The following DAGLB variants were observed in gnomAD, a reference collection of about 807,000 sequenced individuals.
The protein encoded by DAGLB is diacylglycerol lipase-beta.
DAGLB carries 66 observed loss-of-function variants against 72.1 expected under a neutral mutation model. The observed-to-expected ratio is 0.92, with a 90% CI of 0.75 to 1.12. The LOEUF (loss-of-function observed/expected upper bound fraction) is 1.12, where lower values mean the gene tolerates loss of function less well. Among genes scored for constraint, DAGLB ranks in the 50% most tolerant of loss-of-function variants. The probability of loss-of-function intolerance (pLI) is 0.00; values close to 1 mark genes in which losing one functional copy is unlikely to be tolerated. For synonymous variants in DAGLB, 414 were observed against 359.5 expected, an observed-to-expected ratio of 1.15 and a Z score of -1.71; for missense variants, 1,065 against 884.9, an observed-to-expected ratio of 1.20 and a Z score of -2.58.
intron 11 of DAGLB, among the ~76,000 whole-genome samples, chr7:6,415,354 T>C (rs1403818490): frequency 2.0e-5 from 3 of 151,976 alleles, no homozygotes; most frequent in African/African-American, 7.2e-5. Flanking sequence ...AAACCAAGTG[T>C]GCGAAGAAAA....
intron 11 of DAGLB, 36 bp from the exon 12 acceptor site, chr7:6,413,070 C>T (rs369997708): frequency 1.9e-5 from 31 of 1,602,078 alleles, no homozygotes; most frequent in South Asian, 7.7e-5. Context: ...GTTAGCTTTA[C>T]GATGACACTG....
At chr7:6,418,027 CACCCAGCTAATTTTTGT>C (rs1783975845) in intron 9 of DAGLB, among the ~76,000 whole-genome samples, 1 of 151,978 alleles carries the variant, frequency 6.6e-6, no homozygotes, top group African/African-American at 2.4e-5. Context: ...TGCGCCATCA[CACCCAGCTAATTTTTGT>C]ATTTTTAGTA....
In DAGLB at chr7:6,424,841, G is replaced by C. The variant is rs771263074; in HGVS notation, c.1057-6C>G. On this transcript the variant is annotated splice_polypyrimidine_tract_variant and splice_region_variant and intron_variant, in intron 7 of 14. Coordinates refer to ENST00000297056, the MANE Select transcript of DAGLB (RefSeq NM_139179.4). ...AAAAACGGCAGCTCGTAAACCTGCA[G>C]GAGCAAGAAACAAGCATGGGGCCTA... is the stretch of plus-strand genomic sequence containing the variant. 1 of 1,613,532 alleles carries C rather than the reference G, an allele frequency of 6.2e-7. No individual in the cohort carries two copies. Among genetic ancestry groups the C allele is most frequent in the Non-Finnish European group, 8.5e-7 (1 of 1,179,614 alleles).
chr7:6,437,505 C>T (rs13221129), intron 2 of DAGLB, among the ~76,000 whole-genome samples: 25,178 of 151,608 alleles, frequency 0.17, 2,482 homozygotes, highest in East Asian at 0.23. Context: ...AATCATGACT[C>T]ACTGCAGCCT....
chr7:6,413,265 T>C (rs1783793906), intron 11 of DAGLB, among the ~76,000 whole-genome samples: 1 of 152,128 alleles, frequency 6.6e-6, no homozygotes, highest in Non-Finnish European at 1.5e-5. Flanking sequence ...AACCGCAAAC[T>C]GGACACCAAG....
rs764506262 is a variant in DAGLB, at chr7:6,432,902, G to C, written c.736C>G (p.Gln246Glu). Residue 246 changes from glutamine to glutamate, a missense_variant, in exon 5 of 15, where the codon CAG becomes GAG. Coordinates refer to ENST00000297056, the MANE Select transcript of DAGLB (RefSeq NM_139179.4). ...TCTTGGTTGTTCCTGATATTGTCCT[G>C]TTGCTGATGAAGCAGGGCGAGGCCC... ...AAGLALLHQQ[Q>E]DNIRNNQEPA... 2.5e-6 allele frequency: 4 copies of C among 1,613,870 alleles called. No homozygotes were observed. Among genetic ancestry groups the C allele is most frequent in the Non-Finnish European group, 2.5e-6 (3 of 1,179,998 alleles).
chr7:6,436,096 A>C (rs1475443243), intron 3 of DAGLB, among the ~76,000 whole-genome samples: 1 of 152,132 alleles, frequency 6.6e-6, no homozygotes. Flanking sequence ...AAAGAAAAAA[A>C]AAAAAGAGAG....
In DAGLB at chr7:6,409,621, C is replaced by T. The variant is rs996799345; in HGVS notation, c.*216G>A. 10 of 618,552 alleles carry T rather than the reference C, an allele frequency of 1.6e-5. No homozygotes were observed. The African/African-American group carries it at 1.8e-4, about 11-fold the overall frequency. 38.3% of individuals were successfully genotyped at this position (618,552 alleles called of 1,614,324 possible). On this transcript the variant is annotated 3_prime_UTR_variant, in exon 15 of 15. Coordinates refer to ENST00000297056, the MANE Select transcript of DAGLB (RefSeq NM_139179.4). ...ACGGTCGCTGGGTCTCAGGAGTCGT[C>T]CTATCACCTGAGCGTGCTCACTACT...
At position 6,409,670 on chromosome 7, in the gene DAGLB, G is replaced by T; in HGVS notation, c.*167C>A. 1.2e-6 allele frequency: 1 copy of T among 813,626 alleles called. No individual in the cohort carries two copies. The highest frequency in any genetic ancestry group is 1.9e-6 in the Non-Finnish European group (1 of 529,048). 50.4% of individuals were successfully genotyped at this position (813,626 alleles called of 1,614,324 possible). A position where few individuals can be genotyped will look rare whatever the true frequency, so the allele number is the denominator to read the frequency against. On this transcript the variant is annotated 3_prime_UTR_variant, in exon 15 of 15. Transcript: ENST00000297056. Reference sequence around the variant, plus strand: ...CTTCTGCTACCATTATGGCCACAATGACTTCCCATAAACTTAAGTCATTGA... The same window carrying T: ...CTTCTGCTACCATTATGGCCACAATTACTTCCCATAAACTTAAGTCATTGA...
Position 6,421,775 on chromosome 7 carries a change from ACT to A in DAGLB, c.1168_1169del (p.Ser390Ter). The A allele has an allele frequency of 6.2e-7, 1 of 1,612,964 alleles. No homozygotes were observed. The highest frequency in any genetic ancestry group is 8.5e-7 in the Non-Finnish European group (1 of 1,179,466). ...CCTCACACTCCACGTCCAGCACCTC[ACT>A]CTCCGCTGACAGGTCCGTAAGGACA... The part of the protein sequence containing the change: ...QDVLTDLSAE[S>X]EVLDVECEVQ... On this transcript the variant is annotated frameshift_variant, in exon 9 of 15. Transcript: ENST00000297056. LOFTEE classifies it high-confidence loss of function.
In DAGLB at chr7:6,423,209, C is replaced by T. The variant is rs59742635; in HGVS notation, c.1141-1405G>A. Among the ~76,000 whole-genome samples, 719 of 152,238 alleles carry T rather than the reference C, an allele frequency of 4.7e-3. 2 individuals carry two copies. The highest frequency in any genetic ancestry group is 0.017 in the African/African-American group (697 of 41,546). ...GGAGGCTGCAGTGAGCTGACTGTACCATCGTACTCCACCCTGGGCAACAGA... is the reference window on the plus strand; with the variant it reads ...GGAGGCTGCAGTGAGCTGACTGTACTATCGTACTCCACCCTGGGCAACAGA... On this transcript the variant is annotated intron_variant, in intron 8 of 14. Transcript: ENST00000297056.
At chr7:6,414,243 C>T (rs1011892264) in intron 11 of DAGLB, among the ~76,000 whole-genome samples, 4 of 151,946 alleles carry the variant, frequency 2.6e-5, no homozygotes, top group African/African-American at 9.7e-5. Flanking sequence ...ATCTCCTGAC[C>T]TCATGATCTG....
At chr7:6,433,457 T>C (rs1344497384) in intron 4 of DAGLB, among the ~76,000 whole-genome samples, 1 of 152,048 alleles carries the variant, frequency 6.6e-6, no homozygotes, top group Non-Finnish European at 1.5e-5. Flanking sequence ...AGAGAGTGAG[T>C]CTTCTTAGGC....
chr7:6,430,631 C>G (rs201776694), intron 5 of DAGLB, 24 bp from the exon 6 acceptor site: 506 of 1,563,376 alleles, frequency 3.2e-4, no homozygotes, highest in Non-Finnish European at 4.3e-4. Context: ...ACAAAAACTA[C>G]TGTTTATTAA....
At chr7:6,413,074 G>A (rs377671019) in intron 11 of DAGLB, 40 bp from the exon 12 acceptor site, 1 of 1,598,562 alleles carries the variant, frequency 6.3e-7, no homozygotes, top group Non-Finnish European at 8.6e-7. Flanking sequence ...GCTTTACGAT[G>A]ACACTGCCCA....
At chr7:6,410,532 T>G (rs937350205) in intron 13 of DAGLB, 152 bp from the exon 14 acceptor site, 37 of 1,218,778 alleles carry the variant, frequency 3.0e-5, no homozygotes, top group African/African-American at 4.6e-5. Flanking sequence ...CGGCGAGCTG[T>G]GCTGGGTGGC....
chr7:6,428,080 C>A (rs1259946608), intron 6 of DAGLB, among the ~76,000 whole-genome samples: 1 of 152,020 alleles, frequency 6.6e-6, no homozygotes, highest in Non-Finnish European at 1.5e-5. Context: ...GGTGCGGTGG[C>A]TCATGCCTGT....
Position 6,447,820 on chromosome 7 carries a change from C to A in DAGLB, c.23G>T (p.Gly8Val). ...GTCGCTGGCGATGGCCCAGCGCCGGCCGAAGAGTACCATCCCCGGCATGGC... is the reference window on the plus strand; with the variant it reads ...GTCGCTGGCGATGGCCCAGCGCCGGACGAAGAGTACCATCCCCGGCATGGC... The part of the protein sequence containing the change: MPGMVLF[G>V]RRWAIASDDL... The change falls in exon 1 of 15, where the codon GGC (glycine) becomes GTC (valine). Residue 8 changes from glycine to valine, a missense_variant. Transcript: ENST00000297056. 17 of 1,612,906 alleles carry A rather than the reference C, an allele frequency of 1.1e-5. No homozygotes were observed. The highest frequency in any genetic ancestry group is 1.4e-5 in the Non-Finnish European group (17 of 1,179,564).
At chr7:6,445,341 G>A (rs1784964693) in intron 2 of DAGLB, among the ~76,000 whole-genome samples, 1 of 152,152 alleles carries the variant, frequency 6.6e-6, no homozygotes, top group Non-Finnish European at 1.5e-5. Context: ...GAATCTTGAA[G>A]ACATTATGCT....
Sources: gnomAD v4.1 joint callset for allele counts (sites outside exome capture counted in the v4.1 genomes callset) on GRCh38, gnomAD v4.1.1 for gene constraint, MANE v1.5 for transcripts, NCBI Gene and HGNC (gene_info 2026-07-23, HGNC 2026-07-21) for gene names.